CPQ: variants seen among roughly 807,000 people sequenced by gnomAD.
CPQ encodes the protein carboxypeptidase Q.
In CPQ, 37 loss-of-function variants were observed where a neutral mutation model predicts 45.7. The ratio of observed to expected loss-of-function variants is 0.81; its 90% CI spans 0.62 to 1.07. CPQ has a LOEUF of 1.07. Ranked by LOEUF, CPQ falls within the 50% of genes least tolerant of loss-of-function variation. The pLI is 0.00. For synonymous variants in CPQ, 186 were observed against 205.8 expected (o/e 0.90, Z 0.82); for missense variants, 537 against 572.9 (o/e 0.94, Z 0.64).
At chr8:96,756,203 A>G (rs1244553552) in intron 1 of CPQ, among the ~76,000 whole-genome samples, 2 of 152,056 alleles carry the variant, frequency 1.3e-5, no homozygotes, top group South Asian at 2.1e-4. Flanking sequence ...TTTTTTTCTT[A>G]GATGAATAAC....
At chr8:96,831,949 C>G (rs746055621) in intron 2 of CPQ, among the ~76,000 whole-genome samples, 1 of 152,104 alleles carries the variant, frequency 6.6e-6, no homozygotes, top group Non-Finnish European at 1.5e-5. Context: ...TTCAAGTGGT[C>G]AATAGCCACA....
At chr8:96,794,904 C>T (rs925419134) in intron 2 of CPQ, among the ~76,000 whole-genome samples, 7 of 152,136 alleles carry the variant, frequency 4.6e-5, no homozygotes, top group Non-Finnish European at 8.8e-5. Context: ...TCTGAGAACA[C>T]CTCAGCCTGC....
At chr8:97,109,761 C>T (rs76138764) in intron 7 of CPQ, among the ~76,000 whole-genome samples, 235 of 152,226 alleles carry the variant, frequency 1.5e-3, no homozygotes, top group African/African-American at 5.2e-3. Flanking sequence ...CTGCCTTACC[C>T]GCTGTTTTAT....
At chr8:96,907,694 A>G (rs1177291652) in intron 4 of CPQ, among the ~76,000 whole-genome samples, 4 of 151,970 alleles carry the variant, frequency 2.6e-5, no homozygotes, top group Admixed American at 2.6e-4. Flanking sequence ...CTATGGGCTT[A>G]TATCTAGCAT....
At chr8:96,696,941 G>A (rs1190757780) in intron 1 of CPQ, among the ~76,000 whole-genome samples, 1 of 152,058 alleles carries the variant, frequency 6.6e-6, no homozygotes, top group African/African-American at 2.4e-5. Context: ...AAATGTTTAA[G>A]GAAAAACTAA....
chr8:97,122,440 T>C (rs1811721718), intron 7 of CPQ, among the ~76,000 whole-genome samples: 1 of 152,060 alleles, frequency 6.6e-6, no homozygotes, highest in South Asian at 2.1e-4. Flanking sequence ...AAAATATTCC[T>C]CAAAAATAAG....
At chr8:96,688,159 A>G (rs1383244487) in intron 1 of CPQ, among the ~76,000 whole-genome samples, 1 of 152,138 alleles carries the variant, frequency 6.6e-6, no homozygotes, top group African/African-American at 2.4e-5. Context: ...TTTAATCTAC[A>G]TTTTGTATTG....
intron 1 of CPQ, among the ~76,000 whole-genome samples, chr8:96,755,684 G>A (rs987463894): frequency 6.6e-6 from 1 of 151,770 alleles, no homozygotes; most frequent in Non-Finnish European, 1.5e-5. Context: ...TTTATTTATT[G>A]TGGTTTACTT....
In CPQ at chr8:96,893,311, T is replaced by G. The variant is rs564566837; in HGVS notation, c.849+13306T>G. ...AGCATCAACAGCAACTAATGCTTGT[T>G]GAACAACTACTATGTGCAGGACGCT... On this transcript the variant is annotated intron_variant, in intron 4 of 7. Coordinates refer to ENST00000220763, the MANE Select transcript of CPQ (RefSeq NM_016134.4). 3.3e-5 allele frequency among the ~76,000 whole-genome samples: 5 copies of G among 152,348 alleles called. No homozygotes were observed. In the South Asian group the frequency reaches 1.0e-3, roughly 32 times the overall value.
In CPQ at chr8:96,833,456, T is replaced by C. The variant is rs529590192; in HGVS notation, c.434-1517T>C. 2.9e-4 allele frequency among the ~76,000 whole-genome samples: 44 copies of C among 152,276 alleles called. No homozygotes were observed. The South Asian group carries it at 9.1e-3, about 32-fold the overall frequency. ...CAATCCGGATGCCAAAATTGCCCTA[T>C]TGTTGCGACATCCCTTGAGTGGACT... is the stretch of plus-strand genomic sequence containing the variant. On this transcript the variant is annotated intron_variant, in intron 2 of 7. Coordinates refer to ENST00000220763, the MANE Select transcript of CPQ (RefSeq NM_016134.4).
At chr8:97,136,189 A>AG (rs1812054478) in intron 7 of CPQ, among the ~76,000 whole-genome samples, 3 of 152,290 alleles carry the variant, frequency 2.0e-5, no homozygotes, top group Admixed American at 1.3e-4. Context: ...CAAAAAAAAA[A>AG]GATTCATAGA....
chr8:96,935,587 C>T (rs1405360687), intron 4 of CPQ, among the ~76,000 whole-genome samples: 7 of 152,146 alleles, frequency 4.6e-5, no homozygotes, highest in Admixed American at 2.0e-4. Flanking sequence ...CAACCCACCA[C>T]AAGCTGATAA....
At chr8:96,647,458 C>G (rs1201235846) in intron 1 of CPQ, among the ~76,000 whole-genome samples, 1 of 152,132 alleles carries the variant, frequency 6.6e-6, no homozygotes, top group African/African-American at 2.4e-5. Flanking sequence ...CACTATATAT[C>G]TAAGAGCTAG....
At position 97,126,884 on chromosome 8, in the gene CPQ, A is replaced by G. The variant is rs753736123; in HGVS notation, c.1256-16136A>G. ...TAGGTCTATGCGTATATGGTCACTT[A>G]ATTTTTTACAAAAGTACAAGGTTAT... is the stretch of plus-strand genomic sequence containing the variant. On this transcript the variant is annotated intron_variant, in intron 7 of 7. Coordinates refer to ENST00000220763, the MANE Select transcript of CPQ (RefSeq NM_016134.4). 2.4e-4 allele frequency among the ~76,000 whole-genome samples: 37 copies of G among 152,332 alleles called. No homozygotes were observed. In the Middle Eastern group the frequency reaches 0.014, roughly 56 times the overall value.
intron 4 of CPQ, among the ~76,000 whole-genome samples, chr8:96,965,306 T>C (rs957334327): frequency 5.3e-5 from 8 of 151,978 alleles, no homozygotes; most frequent in Non-Finnish European, 1.2e-4. Flanking sequence ...CATTTTTATA[T>C]CCTTTAGGTT....
In CPQ at chr8:96,961,293, T is replaced by C. The variant is rs188065649; in HGVS notation, c.850-4642T>C. ...TTAATTTACATTTACATTTCCCTGA[T>C]TGGTAATGAAATTGGTCACCTTTTC... On this transcript the variant is annotated intron_variant, in intron 4 of 7. Transcript: ENST00000220763. 2.3e-3 allele frequency among the ~76,000 whole-genome samples: 355 copies of C among 152,332 alleles called. 3 individuals are homozygous for C. The highest frequency in any genetic ancestry group is 4.1e-3 in the Non-Finnish European group (280 of 68,028).
At chr8:96,870,051 T>C (rs1812046407) in intron 3 of CPQ, among the ~76,000 whole-genome samples, 1 of 151,982 alleles carries the variant, frequency 6.6e-6, no homozygotes, top group Non-Finnish European at 1.5e-5. Flanking sequence ...ATAAATACAA[T>C]GCTGAGTGAT....
In CPQ at chr8:97,051,380, A is replaced by G. The variant is rs545087549; in HGVS notation, c.1054-14629A>G. Among the ~76,000 whole-genome samples, 7 of 152,348 alleles carry G rather than the reference A, an allele frequency of 4.6e-5. No homozygotes were observed. The East Asian group carries it at 1.3e-3, about 29-fold the overall frequency. ...ATGTGGTTTTCCAAATGAATTAAAC[A>G]AGATCTTGAAGGATTATTTAATTAT... On this transcript the variant is annotated intron_variant, in intron 6 of 7. Coordinates refer to ENST00000220763, the MANE Select transcript of CPQ (RefSeq NM_016134.4).
At chr8:96,954,363 A>T (rs148337302) in intron 4 of CPQ, among the ~76,000 whole-genome samples, 371 of 152,262 alleles carry the variant, frequency 2.4e-3, no homozygotes, top group Middle Eastern at 0.01. Flanking sequence ...TCTAATGACA[A>T]GTCAAAATAA....
Sources: gnomAD v4.1 joint callset for allele counts (sites outside exome capture counted in the v4.1 genomes callset) on GRCh38, gnomAD v4.1.1 for gene constraint, MANE v1.5 for transcripts, NCBI Gene and HGNC (gene_info 2026-07-23, HGNC 2026-07-21) for gene names.